ALMS1: variants seen among roughly 807,000 people sequenced by gnomAD.
ALMS1 encodes centrosome-associated protein ALMS1.
A neutral mutation model predicts 352.2 loss-of-function variants in ALMS1; 271 were observed. The observed-to-expected ratio is 0.77, with a 90% CI of 0.70 to 0.85. ALMS1 has a LOEUF of 0.85. Ranked by LOEUF, ALMS1 falls within the 40% of genes least tolerant of loss-of-function variation. The pLI, the probability that ALMS1 is intolerant of heterozygous loss-of-function variation, is 0.00. For missense variants in ALMS1, 5,445 were observed against 4,870.7 expected (o/e 1.12, Z -3.51); for synonymous variants, 1,865 against 1,761.2 (o/e 1.06, Z -1.48).
intron 10 of ALMS1, among the ~76,000 whole-genome samples, chr2:73,510,178 G>A (rs141305420): frequency 1.8e-3 from 276 of 152,156 alleles, no homozygotes; most frequent in African/African-American, 6.1e-3. Context: ...CCTTTAGCTC[G>A]GAGAAGTTTG....
At chr2:73,498,664 C>G (rs1482384364) in intron 10 of ALMS1, among the ~76,000 whole-genome samples, 1 of 152,098 alleles carries the variant, frequency 6.6e-6, no homozygotes, top group Non-Finnish European at 1.5e-5. Flanking sequence ...TGACAACATG[C>G]AGTGTTTGTC....
rs569668253 is a variant in ALMS1 at position 73,524,655 on chromosome 2, G to C, written c.9781+4639G>C. 2.0e-5 allele frequency among the ~76,000 whole-genome samples: 3 copies of C among 152,194 alleles called. No homozygotes were observed. The South Asian group carries it at 6.2e-4, about 32-fold the overall frequency. ...TTTAGTAGAGAAAGGGTTTCACCATGTTGGCCAGGCTGGTCTCGAACTCCT... is the reference window on the plus strand; with the variant it reads ...TTTAGTAGAGAAAGGGTTTCACCATCTTGGCCAGGCTGGTCTCGAACTCCT... On this transcript the variant is annotated intron_variant, in intron 11 of 22. Transcript: ENST00000613296.
intron 10 of ALMS1, among the ~76,000 whole-genome samples, chr2:73,501,700 A>C (rs557957520): frequency 2.6e-5 from 4 of 152,096 alleles, no homozygotes; most frequent in South Asian, 4.1e-4. Flanking sequence ...CTGTAGCTTT[A>C]TAGTAAGTCT....
intron 9 of ALMS1, among the ~76,000 whole-genome samples, chr2:73,485,357 G>C (rs909093440): frequency 6.6e-6 from 1 of 152,218 alleles, no homozygotes; most frequent in Non-Finnish European, 1.5e-5. Context: ...GTGTGCCCCT[G>C]CTGGGAGGTG....
intron 19 of ALMS1, among the ~76,000 whole-genome samples, chr2:73,601,678 G>T (rs1182742344): frequency 6.6e-6 from 1 of 152,250 alleles, no homozygotes; most frequent in Admixed American, 6.5e-5. Context: ...GGCCGCAGGA[G>T]GGAGGATTTG....
chr2:73,449,115 T>C lies in ALMS1; in HGVS notation c.2588T>C (p.Leu863Pro), dbSNP rs772705476. 2.5e-6 allele frequency: 4 copies of C among 1,613,776 alleles called. No individual in the cohort carries two copies. In the South Asian group the frequency reaches 4.4e-5, roughly 18 times the overall value. The change falls in exon 8 of 23, where the codon CTT becomes CCT. Residue 863 changes from leucine to proline, a missense_variant. By Grantham distance (98) the Leu-to-Pro change is moderately conservative. Coordinates refer to ENST00000613296, the MANE Select transcript of ALMS1 (RefSeq NM_001378454.1). Reference sequence around the variant, plus strand: ...TCTACTTCCTCTGCGTCCTCTTCACTTGGAGAAAAGCCCAGTGCTTTCTAT... The same window carrying C: ...TCTACTTCCTCTGCGTCCTCTTCACCTGGAGAAAAGCCCAGTGCTTTCTAT... Reference protein sequence around the residue: ...VTSTSSASSSLGEKPSAFYQQ... With the variant: ...VTSTSSASSSPGEKPSAFYQQ...
chr2:73,469,330 A>G (rs1489348402), intron 9 of ALMS1, among the ~76,000 whole-genome samples: 2 of 151,972 alleles, frequency 1.3e-5, no homozygotes, highest in African/African-American at 2.4e-5. Flanking sequence ...TTGAGCATTA[A>G]AATCTAGATT....
In ALMS1 at chr2:73,491,507, C is replaced by CA. The variant is rs775577830; in HGVS notation, c.9539+10dup. The stretch of plus-strand genomic sequence containing the variant: ...CCAGTATTTGCAGATCGGTGAGTCT[C>CA]ATTGTGATAACAAGCAAGCTGGATG... On this transcript the variant is annotated intron_variant, in intron 10 of 22. Coordinates refer to ENST00000613296, the MANE Select transcript of ALMS1 (RefSeq NM_001378454.1). The CA allele has an allele frequency of 2.5e-6, 4 of 1,613,456 alleles. No individual in the cohort carries two copies. Among genetic ancestry groups the CA allele is most frequent in the Non-Finnish European group, 1.7e-6 (2 of 1,179,778 alleles).
chr2:73,508,055 A>T (rs1673369089), intron 10 of ALMS1, among the ~76,000 whole-genome samples: 1 of 152,016 alleles, frequency 6.6e-6, no homozygotes, highest in Non-Finnish European at 1.5e-5. Context: ...ATTCAGGAGC[A>T]GGTTATTTAG....
intron 9 of ALMS1, among the ~76,000 whole-genome samples, chr2:73,465,093 C>T (rs1672301900): frequency 6.6e-6 from 1 of 152,166 alleles, no homozygotes; most frequent in African/African-American, 2.4e-5. Flanking sequence ...ATGCCATCCC[C>T]ATCAAGCTAC....
rs752503817 is a variant in ALMS1 at position 73,448,849 on chromosome 2, C to T, written c.2322C>T (p.Tyr774=). Residue 774 remains tyrosine, a synonymous_variant, in exon 8 of 23, where the codon TAC becomes TAT. Transcript: ENST00000613296. ...AAAGAGAAAAGCCTAGTATTTTGTA[C>T]CCACAGGACTTAGCAGACAGTCATC... ...YSQREKPSIL[Y]PQDLADSHLP... is the part of the protein sequence containing the mutation. 1.2e-6 allele frequency: 2 copies of T among 1,613,728 alleles called. No individual in the cohort carries two copies. The highest frequency in any genetic ancestry group is 1.7e-6 in the Non-Finnish European group (2 of 1,179,956).
rs552632209 is a variant in ALMS1 at position 73,386,896 on chromosome 2, G to A, written c.324+704G>A. ...CTTACCCCCCTTTTTTTAACTTACTGCTTTTCGAGGAGCAAGACCTGCCCT... is the reference window on the plus strand; with the variant it reads ...CTTACCCCCCTTTTTTTAACTTACTACTTTTCGAGGAGCAAGACCTGCCCT... On this transcript the variant is annotated intron_variant, in intron 1 of 22. Coordinates refer to ENST00000613296, the MANE Select transcript of ALMS1 (RefSeq NM_001378454.1). Among the ~76,000 whole-genome samples the A allele has an allele frequency of 5.5e-4, 84 of 152,190 alleles. 1 individual carries two copies. Among genetic ancestry groups the A allele is most frequent in the African/African-American group, 2.0e-3 (82 of 41,512 alleles).
intron 21 of ALMS1, among the ~76,000 whole-genome samples, chr2:73,605,320 TA>T (rs1266520629): frequency 6.6e-6 from 1 of 152,216 alleles, no homozygotes; most frequent in Non-Finnish European, 1.5e-5. Flanking sequence ...GCGGTGGCAT[TA>T]ACAAATGTGA....
At position 73,519,941 on chromosome 2, in the gene ALMS1, A is replaced by T. The variant is rs778934344; in HGVS notation, c.9706A>T (p.Lys3236Ter). The stretch of plus-strand genomic sequence containing the variant: ...TGAAATTATAGAGCCTGGTAACCAG[A>T]AGCTACGCAAAGCTCCTGTCAAGTT... Reference protein sequence around the residue: ...GHEIIEPGNQKLRKAPVKFAS... With the variant: ...GHEIIEPGNQ The change falls in exon 11 of 23, where the codon AAG (lysine) becomes TAG (stop). Residue 3236 changes from lysine to a stop codon, truncating the protein, a stop_gained. Transcript: ENST00000613296. LOFTEE classifies it high-confidence loss of function. The T allele has an allele frequency of 6.2e-7, 1 of 1,614,102 alleles. No individual in the cohort carries two copies. The highest frequency in any genetic ancestry group is 1.1e-5 in the South Asian group (1 of 91,084).
In ALMS1 at chr2:73,570,928, T is replaced by C. The variant is rs544914698; in HGVS notation, c.10385-1334T>C. Among the ~76,000 whole-genome samples the C allele has an allele frequency of 2.0e-5, 3 of 152,338 alleles. No homozygotes were observed. In the South Asian group the frequency reaches 6.2e-4, roughly 32 times the overall value. On this transcript the variant is annotated intron_variant, in intron 15 of 22. Coordinates refer to ENST00000613296, the MANE Select transcript of ALMS1 (RefSeq NM_001378454.1). ...ACATCTCATCCTCCTCAGAGAATTC[T>C]TCTCTAGCTACCATTTCCCAGTAAA...
chr2:73,522,870 TA>T (rs1397206072), intron 11 of ALMS1, among the ~76,000 whole-genome samples: 1 of 152,222 alleles, frequency 6.6e-6, no homozygotes, highest in Non-Finnish European at 1.5e-5. Flanking sequence ...ATACTCCTTT[TA>T]AAAAGTAACC....
intron 9 of ALMS1, among the ~76,000 whole-genome samples, chr2:73,485,324 A>G (rs1022969227): frequency 5.3e-5 from 8 of 151,914 alleles, no homozygotes; most frequent in Non-Finnish European, 1.2e-4. Context: ...GTCTGTTGGA[A>G]TACCCTGCCG....
chr2:73,467,115 C>T lies in ALMS1; in HGVS notation c.7674+11820C>T, dbSNP rs940204855. Among the ~76,000 whole-genome samples the T allele has an allele frequency of 1.2e-4, 4 of 33,186 alleles. No homozygotes were observed. The Admixed American group carries it at 2.0e-3, about 17-fold the overall frequency. 21.8% of individuals were successfully genotyped at this position (33,186 alleles called of 152,430 possible). A position where few individuals can be genotyped will look rare whatever the true frequency, so the allele number is the denominator to read the frequency against. ...GGTTTCTTAAACAAGAACAAAAATA[C>T]ACTTCATAAAAGAAAGGATTGCTAA... On this transcript the variant is annotated intron_variant, in intron 9 of 22. Coordinates refer to ENST00000613296, the MANE Select transcript of ALMS1 (RefSeq NM_001378454.1).
At chr2:73,515,656 C>G (rs923067948) in intron 10 of ALMS1, among the ~76,000 whole-genome samples, 1 of 151,586 alleles carries the variant, frequency 6.6e-6, no homozygotes, top group Non-Finnish European at 1.5e-5. Context: ...TTGATTCTTC[C>G]AAAGAATAAA....
Sources: gnomAD v4.1 joint callset for allele counts (sites outside exome capture counted in the v4.1 genomes callset) on GRCh38, gnomAD v4.1.1 for gene constraint, MANE v1.5 for transcripts, NCBI Gene and HGNC (gene_info 2026-07-23, HGNC 2026-07-21) for gene names.